VWA7: variants seen among roughly 807,000 people sequenced by gnomAD.
VWA7 encodes von Willebrand factor A domain-containing protein 7.
Under a neutral mutation model 83.1 loss-of-function variants are expected in VWA7, and 66 were observed. The ratio of observed to expected loss-of-function variants is 0.79; its 90% CI spans 0.65 to 0.98. The LOEUF (loss-of-function observed/expected upper bound fraction) is 0.98, where lower values mean the gene tolerates loss of function less well. Ranked by LOEUF, VWA7 falls within the 50% of genes least tolerant of loss-of-function variation. The pLI is 0.00. For missense variants in VWA7, 1,080 were observed against 1,160.2 expected, an observed-to-expected ratio of 0.93 and a Z score of 1.00; for synonymous variants, 424 against 488.5, an observed-to-expected ratio of 0.87 and a Z score of 1.74.
intron 4 of VWA7, 58 bp from the exon 5 acceptor site, chr6:31,774,684 C>A: frequency 6.9e-7 from 1 of 1,446,642 alleles, no homozygotes; most frequent in Non-Finnish European, 9.5e-7. Flanking sequence ...CCTTTATCCC[C>A]ACCCACCCAA....
rs187073840 is a variant in VWA7, at chr6:31,775,057, G to A, written c.610+276C>T. ...GGCAGCTTCCAGGTGAGAGGGTGAGGGGGCTGTGAGAGAAGGCCCCATGGG... is the reference window on the plus strand; with the variant it reads ...GGCAGCTTCCAGGTGAGAGGGTGAGAGGGCTGTGAGAGAAGGCCCCATGGG... On this transcript the variant is annotated intron_variant, in intron 4 of 16. Transcript: ENST00000375688. The surrounding 1 kb of genome is among the most constrained non-coding windows in gnomAD (Gnocchi z 5.9). 2.7e-3 allele frequency among the ~76,000 whole-genome samples: 417 copies of A among 152,276 alleles called. 5 individuals are homozygous for A. The highest frequency in any genetic ancestry group is 9.4e-3 in the African/African-American group (390 of 41,560).
Position 31,770,031 on chromosome 6 carries a change from G to A in VWA7, c.1170C>T (p.Asp390=), listed in dbSNP as rs779254501. Residue 390 remains aspartate (D), a synonymous_variant, in exon 8 of 17, where the codon GAC becomes GAT. Coordinates refer to ENST00000375688, the MANE Select transcript of VWA7 (RefSeq NM_025258.3). ...LNEIHALGGG[D]EPEMCLSALQ... Reference sequence around the variant, plus strand: ...GGGCTGACAGGCACATCTCAGGCTCGTCTCCACCCCCCAAGGCATGGATCT... The same window carrying A: ...GGGCTGACAGGCACATCTCAGGCTCATCTCCACCCCCCAAGGCATGGATCT... 8.7e-6 allele frequency: 14 copies of A among 1,612,892 alleles called. 2 individuals are homozygous for A. In the East Asian group the frequency reaches 1.3e-4, roughly 15 times the overall value.
chr6:31,776,310 C>T lies in VWA7; in HGVS notation c.235-68G>A. ...GGATTGACTGTTGCCCACCTTATCT[C>T]AGCAACTGACACTCAAGGCTGGGTA... On this transcript the variant is annotated intron_variant, in intron 2 of 16. Coordinates refer to ENST00000375688, the MANE Select transcript of VWA7 (RefSeq NM_025258.3). The surrounding 1 kb of genome is among the most constrained non-coding windows in gnomAD (Gnocchi z 6.2). 6.4e-7 allele frequency: 1 copy of T among 1,555,160 alleles called. No individual in the cohort carries two copies.
Position 31,767,164 on chromosome 6 carries a change from C to G in VWA7, c.1876G>C (p.Val626Leu), listed in dbSNP as rs751556994. ...GCTCAGGGAATAAATGTACCTGCAA[C>G]TGGCTGAGTCAGGGGGTAGAGGCCA... ...HPGLYPLTQP[V>L]AGLQTQLLVE... is the part of the protein sequence containing the mutation. Residue 626 changes from valine to leucine, a missense_variant, in exon 13 of 17, where the codon GTT becomes CTT. Val to Leu is a conservative substitution (Grantham distance 32). Transcript: ENST00000375688. The G allele has an allele frequency of 6.6e-7, 1 of 1,503,948 alleles. No homozygotes were observed. The highest frequency in any genetic ancestry group is 8.8e-7 in the Non-Finnish European group (1 of 1,134,674). 93.2% of individuals were successfully genotyped at this position (1,503,948 alleles called of 1,614,324 possible).
rs765616635 is a variant in VWA7, at chr6:31,769,945, A to G, written c.1200+56T>C. 1,146 of 1,565,600 alleles carry G rather than the reference A, an allele frequency of 7.3e-4. 1 individual carries two copies. The highest frequency in any genetic ancestry group is 9.4e-4 in the Non-Finnish European group (1,067 of 1,138,468). The stretch of plus-strand genomic sequence containing the variant: ...AAGGTGGTGGGGAGCCCCAGGAGGG[A>G]TCTAGCTCCCCCTGGTGGTGGGGCC... On this transcript the variant is annotated intron_variant, in intron 8 of 16. Transcript: ENST00000375688. The surrounding 1 kb of genome is among the most constrained non-coding windows in gnomAD (Gnocchi z 4.5).
rs1209795814 is a variant in VWA7, at chr6:31,769,213, G to C, written c.1318-10C>G. The C allele has an allele frequency of 2.5e-6, 4 of 1,605,428 alleles. No individual in the cohort carries two copies. The highest frequency in any genetic ancestry group is 4.5e-5 in the East Asian group (2 of 44,824). On this transcript the variant is annotated splice_polypyrimidine_tract_variant and intron_variant, in intron 9 of 16. Coordinates refer to ENST00000375688, the MANE Select transcript of VWA7 (RefSeq NM_025258.3). The surrounding 1 kb of genome is among the most constrained non-coding windows in gnomAD (Gnocchi z 4.5). ...TCACCAGGAATGTTACCTGTACCCAGAAGAGAGCTCAGTGATTGGGGTGTC... is the reference window on the plus strand; with the variant it reads ...TCACCAGGAATGTTACCTGTACCCACAAGAGAGCTCAGTGATTGGGGTGTC...
chr6:31,775,328 C>G lies in VWA7; in HGVS notation c.610+5G>C. On this transcript the variant is annotated splice_donor_5th_base_variant and intron_variant, in intron 4 of 16. Transcript: ENST00000375688. This position sits in a 1 kb window ranked among gnomAD's most constrained non-coding sequence, Gnocchi z 5.9. ...CCTGCCTCACCACCAGGGTCACAGCCATACCTTGTGCCAGGTTCTGGAGCT... is the reference window on the plus strand; with the variant it reads ...CCTGCCTCACCACCAGGGTCACAGCGATACCTTGTGCCAGGTTCTGGAGCT... The G allele has an allele frequency of 6.2e-7, 1 of 1,611,284 alleles. No homozygotes were observed. The highest frequency in any genetic ancestry group is 8.5e-7 in the Non-Finnish European group (1 of 1,179,064).
Position 31,775,846 on chromosome 6 carries a change from T to A in VWA7, c.513+118A>T. 6.8e-7 allele frequency: 1 copy of A among 1,471,092 alleles called. No homozygotes were observed. The allele number at this position is 1,471,092 out of a possible 1,614,324, so 91.1% of individuals were successfully genotyped here. ...ACAGCCTCGGGGCACCGCGTGCCAG[T>A]GCCCACCCCTTCCAGAGTGGAGGAG... On this transcript the variant is annotated intron_variant, in intron 3 of 16. Coordinates refer to ENST00000375688, the MANE Select transcript of VWA7 (RefSeq NM_025258.3). The surrounding 1 kb of genome is among the most constrained non-coding windows in gnomAD (Gnocchi z 5.9).
At position 31,773,032 on chromosome 6, in the gene VWA7, C is replaced by G; in HGVS notation, c.1009G>C (p.Ala337Pro). The change falls in exon 7 of 17, where the codon GCT becomes CCT. Residue 337 changes from alanine to proline, a missense_variant. Ala to Pro is a conservative substitution (Grantham distance 27, BLOSUM62 -1). Coordinates refer to ENST00000375688, the MANE Select transcript of VWA7 (RefSeq NM_025258.3). The surrounding 1 kb of genome is among the most constrained non-coding windows in gnomAD (Gnocchi z 5.3). Reference sequence around the variant, plus strand: ...CTCCGCTGCTCCACAAGGTGGCGAGCCTGGATTTTGGCAGCGTTGATCTCC... The same window carrying G: ...CTCCGCTGCTCCACAAGGTGGCGAGGCTGGATTTTGGCAGCGTTGATCTCC... ...GEEINAAKIQ[A>P]RHLVEQRRGS... 6.2e-7 allele frequency: 1 copy of G among 1,612,720 alleles called. No homozygotes were observed.
intron 10 of VWA7, 99 bp from the exon 11 acceptor site, chr6:31,767,853 C>A (rs1348464338): frequency 2.1e-6 from 3 of 1,425,148 alleles, no homozygotes; most frequent in Non-Finnish European, 2.8e-6. Flanking sequence ...CGTCATTGGG[C>A]CGGGCGCAGT....
rs141790582 is a variant in VWA7 at position 31,766,341 on chromosome 6, G to A, written c.2228C>T (p.Pro743Leu). The A allele has an allele frequency of 9.3e-6, 15 of 1,608,756 alleles. No individual in the cohort carries two copies. In the African/African-American group the frequency reaches 1.5e-4, roughly 16 times the overall value. The change falls in exon 15 of 17, where the codon CCG (proline) becomes CTG (leucine). Residue 743 changes from proline to leucine, a missense_variant. Physicochemically the swap from Pro to Leu is moderately conservative, Grantham distance 98. Coordinates refer to ENST00000375688, the MANE Select transcript of VWA7 (RefSeq NM_025258.3). This position sits in a 1 kb window ranked among gnomAD's most constrained non-coding sequence, Gnocchi z 4.9. The stretch of plus-strand genomic sequence containing the variant: ...GAAGCTGGCGATGCGGAGACTGAGC[G>A]GGACTTTGCTGCCCGGGGCCAAGAA... ...SGFLAPGSKV[P>L]LSLRIASFSG...
Position 31,769,626 on chromosome 6 carries a change from C to G in VWA7, c.1317+49G>C. On this transcript the variant is annotated intron_variant, in intron 9 of 16. Transcript: ENST00000375688. The surrounding 1 kb of genome is among the most constrained non-coding windows in gnomAD (Gnocchi z 4.5). Reference sequence around the variant, plus strand: ...TTATGAGATTGTCATCACAGGGTCTCTCACATCCCTGGGAGGCTAACACTG... The same window carrying G: ...TTATGAGATTGTCATCACAGGGTCTGTCACATCCCTGGGAGGCTAACACTG... 2.0e-6 allele frequency: 3 copies of G among 1,528,916 alleles called. No individual in the cohort carries two copies. The highest frequency in any genetic ancestry group is 2.7e-6 in the Non-Finnish European group (3 of 1,104,608). The allele number at this position is 1,528,916 out of a possible 1,614,324, so 94.7% of individuals were successfully genotyped here. A position where few individuals can be genotyped will look rare whatever the true frequency, so the allele number is the denominator to read the frequency against.
Position 31,775,455 on chromosome 6 carries a change from AGTG to A in VWA7, c.514-29_514-27del, listed in dbSNP as rs759974999. 6 of 1,599,876 alleles carry A rather than the reference AGTG, an allele frequency of 3.8e-6. No homozygotes were observed. Among genetic ancestry groups the A allele is most frequent in the Non-Finnish European group, 5.1e-6 (6 of 1,171,228 alleles). On this transcript the variant is annotated intron_variant, in intron 3 of 16. Transcript: ENST00000375688. The surrounding 1 kb of genome is among the most constrained non-coding windows in gnomAD (Gnocchi z 5.9). ...CTGGTCCGGAGGACAGGAGAAGGGGAGTGAGGCACTAGTCTGGCCTTTCTCACC... is the reference window on the plus strand; with the variant it reads ...CTGGTCCGGAGGACAGGAGAAGGGGAAGGCACTAGTCTGGCCTTTCTCACC...
intron 5 of VWA7, among the ~76,000 whole-genome samples, chr6:31,774,168 A>AAG (rs558277515): frequency 0.014 from 2,107 of 151,238 alleles, 27 homozygotes; most frequent in Non-Finnish European, 0.019. Flanking sequence ...AAAAAAAAAA[A>AAG]AAAAAAAGGA....
chr6:31,775,468 T>G lies in VWA7; in HGVS notation c.514-39A>C. 1 of 1,571,780 alleles carries G rather than the reference T, an allele frequency of 6.4e-7. No homozygotes were observed. Among genetic ancestry groups the G allele is most frequent in the Non-Finnish European group, 8.7e-7 (1 of 1,151,610 alleles). On this transcript the variant is annotated intron_variant, in intron 3 of 16. Transcript: ENST00000375688. The surrounding 1 kb of genome is among the most constrained non-coding windows in gnomAD (Gnocchi z 5.9). ...CAGGAGAAGGGGAGTGAGGCACTAG[T>G]CTGGCCTTTCTCACCATCTCCAGCA...
chr6:31,777,141 C>T lies in VWA7; in HGVS notation c.-48G>A, dbSNP rs921122650. 3 of 357,886 alleles carry T rather than the reference C, an allele frequency of 8.4e-6. No homozygotes were observed. The highest frequency in any genetic ancestry group is 4.3e-5 in the Admixed American group (1 of 23,232). The allele number at this position is 357,886 out of a possible 1,614,324, so 22.2% of individuals were successfully genotyped here. On this transcript the variant is annotated 5_prime_UTR_variant, in exon 1 of 17. Coordinates refer to ENST00000375688, the MANE Select transcript of VWA7 (RefSeq NM_025258.3). This position sits in a 1 kb window ranked among gnomAD's most constrained non-coding sequence, Gnocchi z 5.8. ...CTGGGTCTCCTGGGCAGGGCTGGCCCGGGCTTGACGTCACAGGGCACTTAG... is the reference window on the plus strand; with the variant it reads ...CTGGGTCTCCTGGGCAGGGCTGGCCTGGGCTTGACGTCACAGGGCACTTAG...
At position 31,770,054 on chromosome 6, in the gene VWA7, T is replaced by C. The variant is rs1467349580; in HGVS notation, c.1147A>G (p.Ile383Val). Reference sequence around the variant, plus strand: ...TCGTCTCCACCCCCCAAGGCATGGATCTCATTAAGCTGTTGCCAGAAGCTG... The same window carrying C: ...TCGTCTCCACCCCCCAAGGCATGGACCTCATTAAGCTGTTGCCAGAAGCTG... ...PDSFWQQLNE[I>V]HALGGGDEPE... The change falls in exon 8 of 17, where the codon ATC (isoleucine) becomes GTC (valine). Residue 383 changes from isoleucine (I) to valine (V), a missense_variant. Physicochemically the swap from Ile to Val is conservative, Grantham distance 29. Coordinates refer to ENST00000375688, the MANE Select transcript of VWA7 (RefSeq NM_025258.3). 1 of 1,612,476 alleles carries C rather than the reference T, an allele frequency of 6.2e-7. No individual in the cohort carries two copies. The highest frequency in any genetic ancestry group is 1.7e-5 in the Admixed American group (1 of 59,956).
chr6:31,774,695 A>C, intron 4 of VWA7, 69 bp from the exon 5 acceptor site: 2 of 1,322,688 alleles, frequency 1.5e-6, no homozygotes, highest in Non-Finnish European at 2.1e-6. Flanking sequence ...ACCCACCCAA[A>C]CCTTTTCAGC....
Position 31,774,529 on chromosome 6 carries a change from G to A in VWA7, c.708C>T (p.Pro236=). ...CTTGTCTGGTACCTGGAGGTTTCGG[G>A]GGATGAGTTCCAAAGTAGCCAGAGG... The part of the protein sequence containing the change: ...LLTSGYFGTH[P]PKPPGKCSHG... Residue 236 remains proline, a synonymous_variant, in exon 5 of 17, where the codon CCC becomes CCT. Coordinates refer to ENST00000375688, the MANE Select transcript of VWA7 (RefSeq NM_025258.3). 1 of 1,612,698 alleles carries A rather than the reference G, an allele frequency of 6.2e-7. No individual in the cohort carries two copies. Among genetic ancestry groups the A allele is most frequent in the South Asian group, 1.1e-5 (1 of 91,060 alleles).
Sources: gnomAD v4.1 joint callset for allele counts (sites outside exome capture counted in the v4.1 genomes callset) on GRCh38, gnomAD v4.1.1 for gene constraint, Gnocchi (gnomAD v3.1) non-coding constraint, MANE v1.5 for transcripts, NCBI Gene and HGNC (gene_info 2026-07-23, HGNC 2026-07-21) for gene names.